ACACA: variants seen among roughly 807,000 people sequenced by gnomAD.
The protein encoded by ACACA is acetyl-CoA carboxylase alpha.
Under a neutral mutation model 296.1 loss-of-function variants are expected in ACACA, and 103 were observed. That is an observed-to-expected ratio of 0.35 (90% CI 0.30 to 0.41). The LOEUF is 0.41. Ranked by LOEUF, ACACA falls within the 10% of genes least tolerant of loss-of-function variation. The pLI is 1.00. For synonymous variants in ACACA, 953 were observed against 1,038.6 expected (o/e 0.92, Z 1.58); for missense variants, 1,554 against 2,989.7 (o/e 0.52, Z 11.20).
intron 54 of ACACA, among the ~76,000 whole-genome samples, chr17:37,092,388 C>T (rs1487449572): frequency 6.6e-6 from 1 of 152,092 alleles, no homozygotes; most frequent in Non-Finnish European, 1.5e-5. Flanking sequence ...CCGTATGCCA[C>T]CTGTCAGCAT....
intron 45 of ACACA, among the ~76,000 whole-genome samples, chr17:37,134,545 A>C (rs1350939232): frequency 2.0e-5 from 3 of 152,228 alleles, no homozygotes; most frequent in African/African-American, 7.2e-5. Flanking sequence ...CTTATAGGCA[A>C]ATATTTGCAA....
chr17:37,311,819 C>T (rs1463206535), intron 3 of ACACA, among the ~76,000 whole-genome samples: 1 of 149,984 alleles, frequency 6.7e-6, no homozygotes, highest in African/African-American at 2.5e-5. Context: ...TTGCAGTGAG[C>T]CAAGATCATG....
At chr17:37,202,710 T>TATATATATAC (rs2078317546) in intron 33 of ACACA, among the ~76,000 whole-genome samples, 2 of 18,180 alleles carry the variant, frequency 1.1e-4, no homozygotes, top group African/African-American at 2.7e-4. Context: ...TATATATATA[T>TATATATATAC]ATACACACAC....
intron 3 of ACACA, among the ~76,000 whole-genome samples, chr17:37,285,863 C>A (rs931383720): frequency 6.6e-6 from 1 of 152,018 alleles, no homozygotes; most frequent in African/African-American, 2.4e-5. Flanking sequence ...ATGTATTTTA[C>A]AATTGATGCC....
At chr17:37,266,802 C>T (rs1316721538) in intron 10 of ACACA, among the ~76,000 whole-genome samples, 1 of 152,232 alleles carries the variant, frequency 6.6e-6, no homozygotes, top group Non-Finnish European at 1.5e-5. Flanking sequence ...AGCTCCTTAA[C>T]CAGATCCATG....
chr17:37,171,906 G>C (rs1203791674), intron 41 of ACACA, among the ~76,000 whole-genome samples: 1 of 152,080 alleles, frequency 6.6e-6, no homozygotes, highest in Non-Finnish European at 1.5e-5. Context: ...TTGAGAAATG[G>C]GGCCCAGGAT....
chr17:37,125,584 TCAGA>T (rs1468057138), intron 48 of ACACA, 110 bp downstream of exon 48: 4 of 1,042,404 alleles, frequency 3.8e-6, no homozygotes, highest in Non-Finnish European at 5.8e-6. Context: ...TCCAATATTC[TCAGA>T]CAGTTCAGAC....
At chr17:37,399,523 T>C (rs1213544299) in intron 1 of ACACA, among the ~76,000 whole-genome samples, 1 of 152,184 alleles carries the variant, frequency 6.6e-6, no homozygotes, top group Non-Finnish European at 1.5e-5. Context: ...CAGAAAAGTA[T>C]GCAGCTAGGC....
chr17:37,328,796 C>G (rs2147203768), intron 3 of ACACA: 1 of 398,174 alleles, frequency 2.5e-6, no homozygotes, highest in East Asian at 3.6e-5. Context: ...TAGGGTACAC[C>G]TATAATCTGA....
At chr17:37,331,096 T>C (rs994481558) in intron 2 of ACACA, among the ~76,000 whole-genome samples, 6 of 102,598 alleles carry the variant, frequency 5.8e-5, no homozygotes, top group African/African-American at 2.5e-4. Flanking sequence ...TTATTTTTCA[T>C]TTATTTATTT....
chr17:37,370,386 C>T (rs768870243), intron 1 of ACACA, among the ~76,000 whole-genome samples: 180 of 151,254 alleles, frequency 1.2e-3, no homozygotes, highest in Non-Finnish European at 2.0e-3. Flanking sequence ...GTGGCTCACG[C>T]CTGTAATCCT....
chr17:37,144,179 G>T, intron 45 of ACACA: 1 of 740,322 alleles, frequency 1.4e-6, no homozygotes. Context: ...TTAGAAAACT[G>T]AGAAGTTGAC....
intron 23 of ACACA, among the ~76,000 whole-genome samples, chr17:37,241,122 G>C (rs2080376273): frequency 6.6e-6 from 1 of 152,100 alleles, no homozygotes; most frequent in African/African-American, 2.4e-5. Flanking sequence ...TTGAGCCTGG[G>C]AGGCAGAGGT....
intron 50 of ACACA, among the ~76,000 whole-genome samples, chr17:37,117,332 C>T (rs1405104624): frequency 6.6e-6 from 1 of 152,202 alleles, no homozygotes; most frequent in African/African-American, 2.4e-5. Context: ...TAATCAGAGA[C>T]TTTAAAATAG....
intron 1 of ACACA, among the ~76,000 whole-genome samples, chr17:37,358,365 C>T (rs2049238139): frequency 6.6e-6 from 1 of 152,208 alleles, no homozygotes; most frequent in Non-Finnish European, 1.5e-5. Flanking sequence ...CCTTGATCAG[C>T]ATGGCAAACG....
intron 45 of ACACA, chr17:37,143,957 T>A (rs1188513353): frequency 9.9e-7 from 1 of 1,006,436 alleles, no homozygotes; most frequent in Admixed American, 1.7e-5. Context: ...TGTTCTCCTT[T>A]GATTTTTGGG....
At chr17:37,335,748 G>A (rs1568013540) in intron 2 of ACACA, among the ~76,000 whole-genome samples, 1 of 152,230 alleles carries the variant, frequency 6.6e-6, no homozygotes, top group Non-Finnish European at 1.5e-5. Flanking sequence ...ACATGGAATG[G>A]GTCGCTGATA....
intron 1 of ACACA, among the ~76,000 whole-genome samples, chr17:37,362,406 C>A (rs1484264281): frequency 6.6e-6 from 1 of 152,126 alleles, no homozygotes; most frequent in Non-Finnish European, 1.5e-5. Context: ...TATGAGAGGT[C>A]CCTGTCTTCA....
intron 24 of ACACA, among the ~76,000 whole-genome samples, chr17:37,239,111 G>A (rs1316324906): frequency 1.3e-5 from 2 of 152,130 alleles, no homozygotes; most frequent in Non-Finnish European, 2.9e-5. Flanking sequence ...TGACAAGCAT[G>A]AGCCACTACA....
Sources: allele counts gnomAD v4.1 joint callset (sites outside exome capture counted in the v4.1 genomes callset), GRCh38; gene constraint gnomAD v4.1.1; transcripts MANE v1.5; gene names NCBI Gene and HGNC (gene_info 2026-07-23, HGNC 2026-07-21).